RFX2: variants seen among roughly 807,000 people sequenced by gnomAD.
The protein encoded by RFX2 is regulatory factor X2.
A neutral mutation model predicts 87.8 loss-of-function variants in RFX2; 20 were observed. That is an observed-to-expected ratio of 0.23 (90% CI 0.16 to 0.33). RFX2 has a LOEUF of 0.33. Ranked by LOEUF, RFX2 falls within the 10% of genes least tolerant of loss-of-function variation. RFX2 has a pLI of 1.00. For missense variants in RFX2, 767 were observed against 1,012.3 expected, an observed-to-expected ratio of 0.76 and a Z score of 3.29; for synonymous variants, 397 against 431.3, an observed-to-expected ratio of 0.92 and a Z score of 0.98.
At chr19:6,031,694 C>T (rs1386693161) in intron 5 of RFX2, among the ~76,000 whole-genome samples, 1 of 152,012 alleles carries the variant, frequency 6.6e-6, no homozygotes, top group East Asian at 1.9e-4. Context: ...CCTCCCAAAG[C>T]GCTGGGGTTG....
At chr19:6,019,542 G>GTA in intron 6 of RFX2, among the ~76,000 whole-genome samples, 1 of 144,986 alleles carries the variant, frequency 6.9e-6, no homozygotes, top group East Asian at 2.0e-4. Context: ...GTGTGTGTGT[G>GTA]TGTATATACT....
rs187366846 is a variant in RFX2 at position 5,994,922 on chromosome 19, G to A, written c.2085C>T (p.Ser695=). The part of the protein sequence containing the change: ...KDDMGDEQRG[S]EAGPDARSLG... ...GGCTGCGGGCGTCTGGGCCCGCCTC[G>A]CTGCCACGCTGCTCATCGCCCATGT... The change falls in exon 18 of 18, where the codon AGC becomes AGT. Residue 695 remains serine, a synonymous_variant. Coordinates refer to ENST00000303657, the MANE Select transcript of RFX2 (RefSeq NM_000635.4). The A allele has an allele frequency of 3.6e-5, 58 of 1,608,208 alleles. 1 individual carries two copies. The East Asian group carries it at 1.2e-3, about 33-fold the overall frequency.
chr19:6,042,961 T>G (rs2087132374), intron 3 of RFX2, among the ~76,000 whole-genome samples: 1 of 152,168 alleles, frequency 6.6e-6, no homozygotes, highest in South Asian at 2.1e-4. Flanking sequence ...TGTCATGGTG[T>G]CATGGTGACC....
chr19:5,997,297 C>A lies in RFX2; in HGVS notation c.1860-84G>T. 7.2e-7 allele frequency: 1 copy of A among 1,394,706 alleles called. No homozygotes were observed. 86.4% of individuals were successfully genotyped at this position (1,394,706 alleles called of 1,614,324 possible). A position where few individuals can be genotyped will look rare whatever the true frequency, so the allele number is the denominator to read the frequency against. On this transcript the variant is annotated intron_variant, in intron 15 of 17. Transcript: ENST00000303657. The surrounding 1 kb of genome is among the most constrained non-coding windows in gnomAD (Gnocchi z 4.2). ...GGCCAGACTTCATGGCAGCAACACA[C>A]CCCCTGCTCTACGTTCCCTGGGGAA... is the stretch of plus-strand genomic sequence containing the variant.
Position 6,022,929 on chromosome 19 carries a change from C to T in RFX2, c.597+3234G>A, listed in dbSNP as rs2086837163. ...GAATACACCTTCCCTCCTGAGACAG[C>T]GCAGAGGAGGGAACCAGCTCCGCGG... On this transcript the variant is annotated intron_variant, in intron 6 of 17. Transcript: ENST00000303657. This position sits in a 1 kb window ranked among gnomAD's most constrained non-coding sequence, Gnocchi z 6.2. Among the ~76,000 whole-genome samples the T allele has an allele frequency of 6.6e-6, 1 of 152,208 alleles. No individual in the cohort carries two copies. The highest frequency in any genetic ancestry group is 2.4e-5 in the African/African-American group (1 of 41,454).
At chr19:6,046,172 A>G (rs1258710153) in intron 2 of RFX2, among the ~76,000 whole-genome samples, 1 of 152,110 alleles carries the variant, frequency 6.6e-6, no homozygotes, top group Non-Finnish European at 1.5e-5. Flanking sequence ...ATTTCATTCC[A>G]CGGTAGAAAT....
chr19:5,996,503 C>A (rs1051778424), intron 16 of RFX2, among the ~76,000 whole-genome samples: 4 of 152,218 alleles, frequency 2.6e-5, no homozygotes, highest in African/African-American at 9.6e-5. Flanking sequence ...CAGGACAGGC[C>A]GATCCACAGA....
At chr19:6,054,921 A>T (rs140581200) in intron 1 of RFX2, among the ~76,000 whole-genome samples, 1 of 152,362 alleles carries the variant, frequency 6.6e-6, no homozygotes, top group East Asian at 1.9e-4. Flanking sequence ...TGAATAGGTA[A>T]GCCACAGCCT....
In RFX2 at chr19:6,011,363, C is replaced by T. The variant is rs185101294; in HGVS notation, c.900-1112G>A. Among the ~76,000 whole-genome samples the T allele has an allele frequency of 1.3e-5, 2 of 152,240 alleles. No individual in the cohort carries two copies. The highest frequency in any genetic ancestry group is 4.8e-5 in the African/African-American group (2 of 41,542). ...GGGGCAGGGAGGGAGCCGGCTTGAG[C>T]TGGAGCATCTCCAGCGGACCTCCCT... On this transcript the variant is annotated intron_variant, in intron 8 of 17. Transcript: ENST00000303657. The surrounding 1 kb of genome is among the most constrained non-coding windows in gnomAD (Gnocchi z 4.8).
rs2086910733 is a variant in RFX2 at position 6,027,834 on chromosome 19, C to T, written c.523-1597G>A. ...GGAGTGCAGTGATGTGATCTCGGCT[C>T]AGGGCCACCTCTGCCTCCTAGGCTC... On this transcript the variant is annotated intron_variant, in intron 5 of 17. Coordinates refer to ENST00000303657, the MANE Select transcript of RFX2 (RefSeq NM_000635.4). The surrounding 1 kb of genome is among the most constrained non-coding windows in gnomAD (Gnocchi z 5.0). Among the ~76,000 whole-genome samples, 1 of 152,226 alleles carries T rather than the reference C, an allele frequency of 6.6e-6. No homozygotes were observed. The highest frequency in any genetic ancestry group is 1.5e-5 in the Non-Finnish European group (1 of 68,030).
At position 6,001,749 on chromosome 19, in the gene RFX2, C is replaced by T; in HGVS notation, c.1859+66G>A. On this transcript the variant is annotated intron_variant, in intron 15 of 17. Transcript: ENST00000303657. The surrounding 1 kb of genome is among the most constrained non-coding windows in gnomAD (Gnocchi z 5.6). ...TGAGCTCACCAGCCGAGCCCCCTAC[C>T]CTCTAGAAGTTTCTCTCAGAGCCCC... 7.1e-7 allele frequency: 1 copy of T among 1,407,790 alleles called. No individual in the cohort carries two copies. The highest frequency in any genetic ancestry group is 9.7e-7 in the Non-Finnish European group (1 of 1,028,484). 87.2% of individuals were successfully genotyped at this position (1,407,790 alleles called of 1,614,324 possible).
At chr19:6,076,586 T>C (rs1305537261) in intron 1 of RFX2, among the ~76,000 whole-genome samples, 1 of 152,174 alleles carries the variant, frequency 6.6e-6, no homozygotes, top group Non-Finnish European at 1.5e-5. Flanking sequence ...TGTTGGGTGG[T>C]TGTGTTAAAT....
In RFX2 at chr19:6,063,344, G is replaced by A. The variant is rs918105260; in HGVS notation, c.-8-15840C>T. On this transcript the variant is annotated intron_variant, in intron 1 of 17. Coordinates refer to ENST00000303657, the MANE Select transcript of RFX2 (RefSeq NM_000635.4). This position sits in a 1 kb window ranked among gnomAD's most constrained non-coding sequence, Gnocchi z 4.0. ...AAGTCTAAGGTCTGCAGAATCGAGG[G>A]AGGCCAGCATGGCACACAGCGGTCC... Among the ~76,000 whole-genome samples the A allele has an allele frequency of 2.0e-5, 3 of 152,198 alleles. No individual in the cohort carries two copies. Among genetic ancestry groups the A allele is most frequent in the African/African-American group, 7.2e-5 (3 of 41,450 alleles).
At chr19:6,029,003 CG>C (rs1568514575) in intron 5 of RFX2, among the ~76,000 whole-genome samples, 1 of 151,192 alleles carries the variant, frequency 6.6e-6, no homozygotes, top group Admixed American at 6.6e-5. Context: ...CGCTTGAATC[CG>C]GGAAGCAGAG....
chr19:5,994,657 T>C lies in RFX2; in HGVS notation c.*178A>G. 2 of 593,230 alleles carry C rather than the reference T, an allele frequency of 3.4e-6. No homozygotes were observed. The highest frequency in any genetic ancestry group is 3.0e-6 in the Non-Finnish European group (1 of 332,088). The allele number at this position is 593,230 out of a possible 1,614,324, so 36.7% of individuals were successfully genotyped here. A position where few individuals can be genotyped will look rare whatever the true frequency, so the allele number is the denominator to read the frequency against. Reference sequence around the variant, plus strand: ...GCCAGTGGGAGCCCTGGCCTGGGCTTCTGTAGCTTCAACAACTGCTTTCCT... The same window carrying C: ...GCCAGTGGGAGCCCTGGCCTGGGCTCCTGTAGCTTCAACAACTGCTTTCCT... On this transcript the variant is annotated 3_prime_UTR_variant, in exon 18 of 18. Coordinates refer to ENST00000303657, the MANE Select transcript of RFX2 (RefSeq NM_000635.4).
intron 1 of RFX2, among the ~76,000 whole-genome samples, chr19:6,089,561 G>A (rs75434750): frequency 0.018 from 2,738 of 152,294 alleles, 48 homozygotes; most frequent in Middle Eastern, 0.048. Context: ...CCACAGGAAT[G>A]GGATTAGGGT....
intron 1 of RFX2, among the ~76,000 whole-genome samples, chr19:6,055,685 C>T (rs1203787851): frequency 6.6e-6 from 1 of 152,128 alleles, no homozygotes; most frequent in East Asian, 1.9e-4. Context: ...CAGCCTTATT[C>T]ATAGCAGTTT....
rs1351429746 is a variant in RFX2 at position 6,074,073 on chromosome 19, G to A, written c.-8-26569C>T. On this transcript the variant is annotated intron_variant, in intron 1 of 17. Transcript: ENST00000303657. The surrounding 1 kb of genome is among the most constrained non-coding windows in gnomAD (Gnocchi z 5.2). ...CGTTCTGCCCCAGCTGAGGTTCTGG[G>A]CCTCATCACTAATGACCCACAGCAG... Among the ~76,000 whole-genome samples, 4 of 152,170 alleles carry A rather than the reference G, an allele frequency of 2.6e-5. No individual in the cohort carries two copies. Among genetic ancestry groups the A allele is most frequent in the African/African-American group, 7.2e-5 (3 of 41,438 alleles).
At chr19:6,048,574 G>A (rs994128551) in intron 1 of RFX2, among the ~76,000 whole-genome samples, 2 of 152,148 alleles carry the variant, frequency 1.3e-5, no homozygotes, top group Admixed American at 6.5e-5. Flanking sequence ...GGTCTCCATG[G>A]CTCCTGCCTG....
Sources: gnomAD v4.1 joint callset for allele counts (sites outside exome capture counted in the v4.1 genomes callset) on GRCh38, gnomAD v4.1.1 for gene constraint, Gnocchi (gnomAD v3.1) non-coding constraint, MANE v1.5 for transcripts, NCBI Gene and HGNC (gene_info 2026-07-23, HGNC 2026-07-21) for gene names.